CDHR5: variants seen among roughly 807,000 people sequenced by gnomAD.
CDHR5 encodes cadherin-related family member 5.
CDHR5 carries 82 observed loss-of-function variants against 69.5 expected under a neutral mutation model. That is an observed-to-expected ratio of 1.18 (90% confidence interval 0.99 to 1.42). CDHR5 has a LOEUF of 1.42. Among genes scored for constraint, CDHR5 ranks in the 40% most tolerant of loss-of-function variants. The pLI is 0.00. For synonymous variants in CDHR5, 601 were observed against 510.2 expected, an observed-to-expected ratio of 1.18 and a Z score of -2.40; for missense variants, 1,293 against 1,168.9, an observed-to-expected ratio of 1.11 and a Z score of -1.55.
Position 619,170 on chromosome 11 carries a change from T to TG in CDHR5, c.1388dup (p.Ser464IlefsTer23), listed in dbSNP as rs925689539. ...CAGTTGTTCCTCCAGCCTCTGGGGA[T>TG]GGGGGGACATCTGGGGGCCGGGAAC... On this transcript the variant is annotated frameshift_variant, in exon 13 of 15. Transcript: ENST00000397542. LOFTEE classifies it high-confidence loss of function. 2 of 1,543,200 alleles carry TG rather than the reference T, an allele frequency of 1.3e-6. No homozygotes were observed. The highest frequency in any genetic ancestry group is 1.4e-5 in the African/African-American group (1 of 72,708).
chr11:618,490 G>T, intron 13 of CDHR5, 109 bp downstream of exon 13: 2 of 1,309,670 alleles, frequency 1.5e-6, no homozygotes, highest in Non-Finnish European at 2.1e-6. Context: ...ACTCCTCTTT[G>T]GGATTTCATG....
At position 617,616 on chromosome 11, in the gene CDHR5, G is replaced by T. The variant is rs1857023214; in HGVS notation, c.2273C>A (p.Ala758Asp). The T allele has an allele frequency of 6.3e-7, 1 of 1,597,432 alleles. No homozygotes were observed. Residue 758 changes from alanine (A) to aspartate (D), a missense_variant, in exon 15 of 15, where the codon GCC becomes GAC. Ala to Asp is a moderately radical substitution (Grantham distance 126). Coordinates refer to ENST00000397542, the MANE Select transcript of CDHR5 (RefSeq NM_021924.5). Reference sequence around the variant, plus strand: ...TCGGGCCGCTGCGGGGGGCTCAGGGGCACCGCCTGGGGAGGCAGGGCCGGG... The same window carrying T: ...TCGGGCCGCTGCGGGGGGCTCAGGGTCACCGCCTGGGGAGGCAGGGCCGGG... ...APPGPASPGG[A>D]PEPPAAARAG...
Position 618,033 on chromosome 11 carries a change from A to T in CDHR5, c.2039T>A (p.Leu680Gln). 1 of 1,612,442 alleles carries T rather than the reference A, an allele frequency of 6.2e-7. No individual in the cohort carries two copies. The highest frequency in any genetic ancestry group is 8.5e-7 in the Non-Finnish European group (1 of 1,179,758). The stretch of plus-strand genomic sequence containing the variant: ...GACGGCGAGGCCAAGGAGAGCCAGC[A>T]GCAGCAGCGCACCCAGCACCCCGCC... ...ALGGVLGALL[L>Q]LALLGLAVLV... The change falls in exon 14 of 15, where the codon CTG becomes CAG. Residue 680 changes from leucine to glutamine, a missense_variant. Transcript: ENST00000397542.
Position 620,346 on chromosome 11 carries a change from T to C in CDHR5, c.830A>G (p.Glu277Gly). 6.2e-7 allele frequency: 1 copy of C among 1,612,776 alleles called. No individual in the cohort carries two copies. Among genetic ancestry groups the C allele is most frequent in the Non-Finnish European group, 8.5e-7 (1 of 1,179,276 alleles). Reference sequence around the variant, plus strand: ...CTGGTTGATGCCGCGGTCTCCGTCCTCAGCGTAGATGGGTCCGGGACGCAG... The same window carrying C: ...CTGGTTGATGCCGCGGTCTCCGTCCCCAGCGTAGATGGGTCCGGGACGCAG... ...LVLRPGPIYA[E>G]DGDRGINQPI... Residue 277 changes from glutamate to glycine, a missense_variant, in exon 8 of 15, where the codon GAG becomes GGG. By Grantham distance (98) the Glu-to-Gly change is moderately conservative. Transcript: ENST00000397542.
rs1369788999 is a variant in CDHR5, at chr11:617,961, TTGCCACAGCAGCACTTG to T, written c.2094_2110del (p.Lys699SerfsTer10). On this transcript the variant is annotated frameshift_variant, in exon 14 of 15. Transcript: ENST00000397542. LOFTEE classifies it low-confidence loss of function (END_TRUNC). ...CTCCATCCTGGGCCTCACCGGAGCT[TTGCCACAGCAGCACTTG>T]AGCCGGGGGCCATAGTGCTTGTGGA... The T allele has an allele frequency of 6.2e-7, 1 of 1,611,222 alleles. No homozygotes were observed. The highest frequency in any genetic ancestry group is 2.2e-5 in the East Asian group (1 of 44,854).
rs1318417782 is a variant in CDHR5, at chr11:624,621, G to A, written c.197C>T (p.Ser66Phe). Reference sequence around the variant, plus strand: ...CTGGATCCGAAATGCAAAGGGGGTGGACAAGGCTCCGAGGGTCACCTCCTG... The same window carrying A: ...CTGGATCCGAAATGCAAAGGGGGTGAACAAGGCTCCGAGGGTCACCTCCTG... Reference protein sequence around the residue: ...EGQEVTLGALSTPFAFRIQGN... With the variant: ...EGQEVTLGALFTPFAFRIQGN... Residue 66 changes from serine (S) to phenylalanine (F), a missense_variant, in exon 2 of 15, where the codon TCC becomes TTC. Coordinates refer to ENST00000397542, the MANE Select transcript of CDHR5 (RefSeq NM_021924.5). The surrounding 1 kb of genome is among the most constrained non-coding windows in gnomAD (Gnocchi z 5.3). 2 of 1,613,012 alleles carry A rather than the reference G, an allele frequency of 1.2e-6. No homozygotes were observed. The highest frequency in any genetic ancestry group is 1.7e-6 in the Non-Finnish European group (2 of 1,179,194).
intron 13 of CDHR5, 140 bp downstream of exon 13, chr11:618,457 CTG>C: frequency 9.7e-7 from 1 of 1,026,154 alleles, no homozygotes; most frequent in Non-Finnish European, 1.4e-6. Context: ...TTGGGCCTGT[CTG>C]TGTCTGTCAG....
chr11:618,725 G>A lies in CDHR5; in HGVS notation c.1834C>T (p.Pro612Ser). ...AQTPEAGTSQ[P>S]MPPGMGTSTS... ...CTGGTTCCCATACCGGGGGGCATCGGCTGAGAGGTTCCTGCCTCTGGGGTC... is the reference window on the plus strand; with the variant it reads ...CTGGTTCCCATACCGGGGGGCATCGACTGAGAGGTTCCTGCCTCTGGGGTC... Residue 612 changes from proline to serine, a missense_variant, in exon 13 of 15, where the codon CCG becomes TCG. Physicochemically the swap from Pro to Ser is moderately conservative, Grantham distance 74. Transcript: ENST00000397542. The A allele has an allele frequency of 6.3e-7, 1 of 1,599,752 alleles. No individual in the cohort carries two copies. Among genetic ancestry groups the A allele is most frequent in the Non-Finnish European group, 8.5e-7 (1 of 1,175,132 alleles).
intron 14 of CDHR5, 69 bp downstream of exon 14, chr11:617,885 C>A: frequency 6.4e-7 from 1 of 1,551,370 alleles, no homozygotes; most frequent in Non-Finnish European, 8.7e-7. Flanking sequence ...CCTCTGCCCT[C>A]CCCTCTCCTG....
chr11:621,882 A>G lies in CDHR5; in HGVS notation c.335T>C (p.Val112Ala). 2 of 1,613,490 alleles carry G rather than the reference A, an allele frequency of 1.2e-6. No individual in the cohort carries two copies. Among genetic ancestry groups the G allele is most frequent in the African/African-American group, 1.3e-5 (1 of 75,030 alleles). Residue 112 changes from valine (V) to alanine (A), a missense_variant, in exon 4 of 15, where the codon GTG becomes GCG. Coordinates refer to ENST00000397542, the MANE Select transcript of CDHR5 (RefSeq NM_021924.5). The surrounding 1 kb of genome is among the most constrained non-coding windows in gnomAD (Gnocchi z 4.4). ...GTLVTQLRVF[V>A]SVLDVNDNAP... ...ATTGTCATTGACGTCCAGCACTGAC[A>G]CGAACACCCTTAGCTGGGTCACCTG...
Position 621,764 on chromosome 11 carries a change from G to T in CDHR5, c.405+48C>A. 1 of 1,576,206 alleles carries T rather than the reference G, an allele frequency of 6.3e-7. No individual in the cohort carries two copies. On this transcript the variant is annotated intron_variant, in intron 4 of 14. Transcript: ENST00000397542. This position sits in a 1 kb window ranked among gnomAD's most constrained non-coding sequence, Gnocchi z 4.4. ...ACCACTCACCTCCTGCCCTCACCCT[G>T]GGCTCCCACACCCCCGTGCCCAGTC...
In CDHR5 at chr11:621,246, G is replaced by A; in HGVS notation, c.623C>T (p.Thr208Ile). Residue 208 changes from threonine (T) to isoleucine (I), a missense_variant, in exon 7 of 15, where the codon ACT becomes ATT. By Grantham distance (89) the Thr-to-Ile change is moderately conservative (BLOSUM62 -1). Transcript: ENST00000397542. The surrounding 1 kb of genome is among the most constrained non-coding windows in gnomAD (Gnocchi z 4.4). The part of the protein sequence containing the change: ...NMTFWLLVRD[T>I]PGENVEPSHT... ...GCTGGGTTCCACATTCTCCCCCGGA[G>A]TGTCCTGCAACAGACGGCTGTGCTG... is the stretch of plus-strand genomic sequence containing the variant. The A allele has an allele frequency of 3.1e-6, 5 of 1,600,902 alleles. No individual in the cohort carries two copies. The highest frequency in any genetic ancestry group is 4.3e-6 in the Non-Finnish European group (5 of 1,171,954).
At position 624,099 on chromosome 11, in the gene CDHR5, G is replaced by T. The variant is rs1393352000; in HGVS notation, c.312+114C>A. 6.0e-6 allele frequency: 4 copies of T among 668,412 alleles called. No homozygotes were observed. Among genetic ancestry groups the T allele is most frequent in the African/African-American group, 3.5e-5 (2 of 56,560 alleles). The allele number at this position is 668,412 out of a possible 1,614,324, so 41.4% of individuals were successfully genotyped here. On this transcript the variant is annotated intron_variant, in intron 3 of 14. Coordinates refer to ENST00000397542, the MANE Select transcript of CDHR5 (RefSeq NM_021924.5). The surrounding 1 kb of genome is among the most constrained non-coding windows in gnomAD (Gnocchi z 5.3). Reference sequence around the variant, plus strand: ...AAATGTGGGCATCACCCTCGGGGGGGTGGAATTTGAAACCACACCCTAGCT... The same window carrying T: ...AAATGTGGGCATCACCCTCGGGGGGTTGGAATTTGAAACCACACCCTAGCT...
At chr11:619,259 G>T in intron 12 of CDHR5, 47 bp downstream of exon 12, 1 of 1,513,204 alleles carries the variant, frequency 6.6e-7, no homozygotes. Flanking sequence ...CCACCGAAGG[G>T]GCTTATTTGG....
Position 617,232 on chromosome 11 carries a change from G to A in CDHR5, c.*119C>T, listed in dbSNP as rs1051621985. On this transcript the variant is annotated 3_prime_UTR_variant, in exon 15 of 15. Transcript: ENST00000397542. Reference sequence around the variant, plus strand: ...GAATGGGACCCCCATGGACCCGCGCGCCTGCCCCACGCCATGGCCTGGGTT... The same window carrying A: ...GAATGGGACCCCCATGGACCCGCGCACCTGCCCCACGCCATGGCCTGGGTT... 19 of 767,486 alleles carry A rather than the reference G, an allele frequency of 2.5e-5. No individual in the cohort carries two copies. The highest frequency in any genetic ancestry group is 3.8e-5 in the Non-Finnish European group (18 of 469,554). The allele number at this position is 767,486 out of a possible 1,614,324, so 47.5% of individuals were successfully genotyped here.
At chr11:620,004 C>A (rs971181327) in intron 9 of CDHR5, 63 bp downstream of exon 9, 2 of 894,206 alleles carry the variant, frequency 2.2e-6, no homozygotes, top group African/African-American at 1.7e-5. Flanking sequence ...CCAGCCCTGA[C>A]CCCCCGCCCT....
chr11:624,232 C>T lies in CDHR5; in HGVS notation c.293G>A (p.Cys98Tyr), dbSNP rs756678322. ...EKSLLEAQLL[C>Y]QSGGTLVTQL... ...ACTCACCAATGTGCCTCCGCTCTGA[C>T]ACAGCAGCTGAGCCTCAAGCAGTGA... Residue 98 changes from cysteine (C) to tyrosine (Y), a missense_variant, in exon 3 of 15, where the codon TGT (cysteine) becomes TAT (tyrosine). Cys to Tyr is a radical substitution (Grantham distance 194, BLOSUM62 -2). Coordinates refer to ENST00000397542, the MANE Select transcript of CDHR5 (RefSeq NM_021924.5). This position sits in a 1 kb window ranked among gnomAD's most constrained non-coding sequence, Gnocchi z 5.3. 5 of 770,258 alleles carry T rather than the reference C, an allele frequency of 6.5e-6. No homozygotes were observed. Among genetic ancestry groups the T allele is most frequent in the Non-Finnish European group, 1.2e-5 (5 of 413,790 alleles). The allele number at this position is 770,258 out of a possible 1,614,324, so 47.7% of individuals were successfully genotyped here. A position where few individuals can be genotyped will look rare whatever the true frequency, so the allele number is the denominator to read the frequency against.
rs762917537 is a variant in CDHR5 at position 617,331 on chromosome 11, G to A, written c.*20C>T. ...GACCTCCAGTGCCCGTGCGGCTGGG[G>A]GAGAGGGTGGAGGGGCCACTTAGAT... On this transcript the variant is annotated 3_prime_UTR_variant, in exon 15 of 15. Coordinates refer to ENST00000397542, the MANE Select transcript of CDHR5 (RefSeq NM_021924.5). 1.3e-6 allele frequency: 2 copies of A among 1,562,972 alleles called. No individual in the cohort carries two copies. Among genetic ancestry groups the A allele is most frequent in the South Asian group, 2.3e-5 (2 of 88,038 alleles).
chr11:618,263 G>A lies in CDHR5; in HGVS notation c.1961-152C>T, dbSNP rs565503675. The A allele has an allele frequency of 6.4e-5, 46 of 720,894 alleles. No homozygotes were observed. The Middle Eastern group carries it at 8.9e-4, about 14-fold the overall frequency. The allele number at this position is 720,894 out of a possible 1,614,324, so 44.7% of individuals were successfully genotyped here. A position where few individuals can be genotyped will look rare whatever the true frequency, so the allele number is the denominator to read the frequency against. ...AGGCTCTGCTGACCCTGGCTCAAGG[G>A]GCCTGTGTGTCCCATCGAGACCCTG... On this transcript the variant is annotated intron_variant, in intron 13 of 14. Transcript: ENST00000397542.
Sources: gnomAD v4.1 joint callset for allele counts on GRCh38, gnomAD v4.1.1 for gene constraint, Gnocchi (gnomAD v3.1) non-coding constraint, MANE v1.5 for transcripts, NCBI Gene and HGNC (gene_info 2026-07-23, HGNC 2026-07-21) for gene names.